The following TRABD2B variants were observed in gnomAD, a reference collection of about 807,000 sequenced individuals.
TRABD2B encodes TraB domain containing 2B.
A neutral mutation model predicts 40.1 loss-of-function variants in TRABD2B; 14 were observed. That is an observed-to-expected ratio of 0.35 (90% CI 0.23 to 0.55). TRABD2B has a LOEUF of 0.55. TRABD2B is among the 20% of genes least tolerant of loss of function. TRABD2B has a pLI of 0.90. For synonymous variants in TRABD2B, 263 were observed against 277.0 expected (o/e 0.95, Z 0.50); for missense variants, 541 against 648.6 (o/e 0.83, Z 1.80).
At chr1:47,804,883 T>G (rs1425085152) in intron 2 of TRABD2B, among the ~76,000 whole-genome samples, 1 of 152,064 alleles carries the variant, frequency 6.6e-6, no homozygotes, top group African/African-American at 2.4e-5. Flanking sequence ...ATGGAGAAGG[T>G]AAAAATGGAA....
chr1:47,951,353 A>G (rs902534953), intron 2 of TRABD2B, among the ~76,000 whole-genome samples: 2 of 152,244 alleles, frequency 1.3e-5, no homozygotes, highest in Non-Finnish European at 2.9e-5. Context: ...TAAACAGCCC[A>G]CTGGATTTGA....
intron 4 of TRABD2B, among the ~76,000 whole-genome samples, chr1:47,792,863 G>A (rs10890500): frequency 0.38 from 57,523 of 151,848 alleles, 11,145 homozygotes; most frequent in East Asian, 0.51. Context: ...GAGGAGCCTG[G>A]GGGCTGGATG....
At chr1:47,919,445 G>C (rs570025499) in intron 2 of TRABD2B, among the ~76,000 whole-genome samples, 2 of 152,332 alleles carry the variant, frequency 1.3e-5, no homozygotes, top group East Asian at 3.9e-4. Flanking sequence ...ATCCCTGTTG[G>C]GGGTAACAGG....
intron 2 of TRABD2B, among the ~76,000 whole-genome samples, chr1:47,882,992 C>G (rs1459198076): frequency 1.3e-5 from 2 of 152,288 alleles, no homozygotes; most frequent in African/African-American, 2.4e-5. Context: ...GGGCAAGTCA[C>G]TTAATAACAC....
At position 47,997,287 on chromosome 1, in the gene TRABD2B, C is replaced by T; in HGVS notation, c.-498G>A. 3 of 916,242 alleles carry T rather than the reference C, an allele frequency of 3.3e-6. No homozygotes were observed. Among genetic ancestry groups the T allele is most frequent in the Non-Finnish European group, 2.6e-6 (2 of 769,886 alleles). 56.8% of individuals were successfully genotyped at this position (916,242 alleles called of 1,614,324 possible). A position where few individuals can be genotyped will look rare whatever the true frequency, so the allele number is the denominator to read the frequency against. ...GGGTGGGGGGCGGCTCTGGGGCGAC[C>T]GGCTGCCCCCGAGCCCGGCTCAGAG... On this transcript the variant is annotated 5_prime_UTR_variant, in exon 1 of 7. Coordinates refer to ENST00000606738, the MANE Select transcript of TRABD2B (RefSeq NM_001194986.2).
intron 2 of TRABD2B, among the ~76,000 whole-genome samples, chr1:47,927,058 G>C (rs1644979768): frequency 1.3e-5 from 2 of 152,246 alleles, no homozygotes; most frequent in South Asian, 4.1e-4. Context: ...GATTGATGGA[G>C]GTGAGTGGGA....
intron 2 of TRABD2B, among the ~76,000 whole-genome samples, chr1:47,984,846 T>C (rs1300852610): frequency 1.4e-5 from 2 of 141,198 alleles, no homozygotes; most frequent in African/African-American, 5.4e-5. Flanking sequence ...TCCCAACACC[T>C]GCACGGATGC....
chr1:47,832,125 G>A (rs1345732429), intron 2 of TRABD2B, among the ~76,000 whole-genome samples: 2 of 152,308 alleles, frequency 1.3e-5, no homozygotes, highest in East Asian at 1.9e-4. Flanking sequence ...GAGGTCAGGA[G>A]ATCGAGACCA....
At chr1:47,769,442 C>G (rs979546284) in intron 6 of TRABD2B, among the ~76,000 whole-genome samples, 1 of 152,212 alleles carries the variant, frequency 6.6e-6, no homozygotes, top group African/African-American at 2.4e-5. Flanking sequence ...GATGAAAACT[C>G]CCGCTTGGAG....
chr1:47,882,331 CA>C (rs1452053495), intron 2 of TRABD2B, among the ~76,000 whole-genome samples: 2 of 152,200 alleles, frequency 1.3e-5, no homozygotes, highest in Non-Finnish European at 2.9e-5. Flanking sequence ...GCCACTGCAT[CA>C]CCCCCAGGAT....
rs1433143430 is a variant in TRABD2B at position 47,763,569 on chromosome 1, C to T, written c.*2333G>A. The T allele has an allele frequency of 7.2e-5, 11 of 152,234 alleles. No homozygotes were observed. The highest frequency in any genetic ancestry group is 9.7e-5 in the African/African-American group (4 of 41,450). 9.4% of individuals were successfully genotyped at this position (152,234 alleles called of 1,614,324 possible). The stretch of plus-strand genomic sequence containing the variant: ...GTTAGATTCAGCTCTAATACAGAGC[C>T]TGGCATTGCATGTGCTCAGTAATTA... On this transcript the variant is annotated 3_prime_UTR_variant, in exon 7 of 7. Transcript: ENST00000606738.
At chr1:47,962,794 C>T (rs1333512349) in intron 2 of TRABD2B, among the ~76,000 whole-genome samples, 2 of 152,226 alleles carry the variant, frequency 1.3e-5, no homozygotes, top group African/African-American at 4.8e-5. Context: ...CAGATCCCAT[C>T]TCACCCAGTG....
intron 2 of TRABD2B, among the ~76,000 whole-genome samples, chr1:47,915,385 G>A (rs971049122): frequency 6.6e-6 from 1 of 152,322 alleles, no homozygotes; most frequent in Middle Eastern, 3.4e-3. Flanking sequence ...TTCAGAGCCA[G>A]AGGCACGGGG....
rs562973578 is a variant in TRABD2B, at chr1:47,956,023, C to T, written c.666+38011G>A. On this transcript the variant is annotated intron_variant, in intron 2 of 6. Coordinates refer to ENST00000606738, the MANE Select transcript of TRABD2B (RefSeq NM_001194986.2). ...CTGCCCTGCCTGATCTTGCCAGTTT[C>T]CTGGATGCTATTTGCTAAACTTGCT... Among the ~76,000 whole-genome samples the T allele has an allele frequency of 2.6e-5, 4 of 152,302 alleles. No homozygotes were observed. The East Asian group carries it at 7.7e-4, about 29-fold the overall frequency.
chr1:47,825,297 C>A (rs1645160345), intron 2 of TRABD2B, among the ~76,000 whole-genome samples: 1 of 152,224 alleles, frequency 6.6e-6, no homozygotes, highest in South Asian at 2.1e-4. Context: ...CAGCACAAAT[C>A]CAACAGCACT....
Position 47,801,464 on chromosome 1 carries a change from G to C in TRABD2B, c.813+9C>G. On this transcript the variant is annotated intron_variant, in intron 3 of 6. Coordinates refer to ENST00000606738, the MANE Select transcript of TRABD2B (RefSeq NM_001194986.2). ...GCCAGGTATCCAGGTCTTTGGAGAG[G>C]AGCCTCACCTGGGATGTGTCGTGGT... The C allele has an allele frequency of 6.5e-7, 1 of 1,535,454 alleles. No individual in the cohort carries two copies. Among genetic ancestry groups the C allele is most frequent in the Non-Finnish European group, 8.7e-7 (1 of 1,146,386 alleles).
At chr1:47,984,851 G>C (rs564255625) in intron 2 of TRABD2B, among the ~76,000 whole-genome samples, 2 of 136,974 alleles carry the variant, frequency 1.5e-5, no homozygotes, top group Non-Finnish European at 3.1e-5. Context: ...ACACCTGCAC[G>C]GATGCTGTGT....
Position 47,994,022 on chromosome 1 carries a change from C to T in TRABD2B, c.666+12G>A. On this transcript the variant is annotated intron_variant, in intron 2 of 6. Transcript: ENST00000606738. The surrounding 1 kb of genome is among the most constrained non-coding windows in gnomAD (Gnocchi z 6.7). ...GGGCTGTCAGCTCCGGGCTGGGGCA[C>T]TGCATGCCTACCTGGGAGAAGTTGA... 1 of 1,531,110 alleles carries T rather than the reference C, an allele frequency of 6.5e-7. No individual in the cohort carries two copies. The highest frequency in any genetic ancestry group is 8.7e-7 in the Non-Finnish European group (1 of 1,143,366). 94.8% of individuals were successfully genotyped at this position (1,531,110 alleles called of 1,614,324 possible). A position where few individuals can be genotyped will look rare whatever the true frequency, so the allele number is the denominator to read the frequency against.
intron 2 of TRABD2B, among the ~76,000 whole-genome samples, chr1:47,953,152 A>C (rs1645370502): frequency 6.6e-6 from 1 of 152,212 alleles, no homozygotes; most frequent in Non-Finnish European, 1.5e-5. Context: ...TGCCCAGCCC[A>C]AGCAGCCCAG....
Sources: allele counts gnomAD v4.1 joint callset (sites outside exome capture counted in the v4.1 genomes callset), GRCh38; gene constraint gnomAD v4.1.1; non-coding constraint Gnocchi (gnomAD v3.1); transcripts MANE v1.5; gene names NCBI Gene and HGNC (gene_info 2026-07-23, HGNC 2026-07-21).